Variants in BLTP3B observed in about 807,000 individuals in gnomAD.
BLTP3B encodes the protein UHRF1 (ICBP90) binding protein 1-like.
At chr12:100,131,468 G>GTATT in the BLTP3B span, among the ~76,000 whole-genome samples, 1 of 151,952 alleles carries the variant, frequency 6.6e-6, no homozygotes, top group Non-Finnish European at 1.5e-5. Flanking sequence ...TTTCTTAGTA[G>GTATT]TATTTTTGGG....
the BLTP3B span, chr12:100,057,564 A>C: frequency 6.2e-7 from 1 of 1,602,464 alleles, no homozygotes; most frequent in East Asian, 2.2e-5. Context: ...CCGTATCATA[A>C]CTTTACCTTT....
chr12:100,072,881 C>G, the BLTP3B span: 1 of 1,486,088 alleles, frequency 6.7e-7, no homozygotes, highest in Non-Finnish European at 8.9e-7. Context: ...TTATGCAACC[C>G]AGACAGTACT....
the BLTP3B span, chr12:100,047,414 C>T: frequency 2.9e-6 from 2 of 690,828 alleles, no homozygotes; most frequent in Middle Eastern, 2.8e-4. Flanking sequence ...AGGAGAATCA[C>T]TCGAACCAGG....
the BLTP3B span, among the ~76,000 whole-genome samples, chr12:100,109,332 C>G: frequency 6.6e-6 from 1 of 152,064 alleles, no homozygotes. Context: ...TCTTCAGTCT[C>G]AGGTATGTCT....
At chr12:100,130,982 G>GGAGAGAGAGA in the BLTP3B span, among the ~76,000 whole-genome samples, 490 of 62,030 alleles carry the variant, frequency 7.9e-3, 37 homozygotes, top group East Asian at 0.015. Flanking sequence ...AGAGAGGGAG[G>GGAGAGAGAGA]GAGAGAGAGA....
the BLTP3B span, chr12:100,037,267 G>T: frequency 1.0e-6 from 1 of 987,864 alleles, no homozygotes; most frequent in Non-Finnish European, 1.2e-6. Context: ...AATCAATTCA[G>T]CAATCTGTGT....
chr12:100,113,451 A>C, the BLTP3B span, among the ~76,000 whole-genome samples: 6,354 of 152,204 alleles, frequency 0.042, 282 homozygotes, highest in African/African-American at 0.11. Flanking sequence ...AGACAGAGTA[A>C]GACTCTGTGT....
the BLTP3B span, among the ~76,000 whole-genome samples, chr12:100,129,423 A>G: frequency 6.6e-6 from 1 of 152,218 alleles, no homozygotes; most frequent in East Asian, 1.9e-4. Flanking sequence ...TTCTCCAGTC[A>G]GTTAAAAATG....
the BLTP3B span, among the ~76,000 whole-genome samples, chr12:100,094,838 C>T: frequency 3.9e-5 from 6 of 152,206 alleles, no homozygotes; most frequent in East Asian, 1.2e-3. Context: ...CCAGGTTGGG[C>T]TAAAGGGAGA....
the BLTP3B span, chr12:100,097,312 A>G: frequency 6.5e-7 from 1 of 1,543,938 alleles, no homozygotes; most frequent in South Asian, 1.2e-5. Flanking sequence ...CAAATCAAAA[A>G]GTCAAATCCA....
chr12:100,043,607 T>C, the BLTP3B span, among the ~76,000 whole-genome samples: 1 of 152,356 alleles, frequency 6.6e-6, no homozygotes, highest in South Asian at 2.1e-4. Context: ...AAATGCTGTT[T>C]CTATTTGCCA....
chr12:100,138,899 C>CT, the BLTP3B span, among the ~76,000 whole-genome samples: 3 of 151,964 alleles, frequency 2.0e-5, no homozygotes, highest in African/African-American at 7.3e-5. Flanking sequence ...ATGTCTTGAG[C>CT]TGAAAGGTAG....
the BLTP3B span, among the ~76,000 whole-genome samples, chr12:100,081,740 C>T: frequency 2.0e-5 from 3 of 152,180 alleles, no homozygotes; most frequent in East Asian, 5.8e-4. Context: ...CTACAAAGAA[C>T]ATGACTGCAT....
At chr12:100,101,410 T>C in the BLTP3B span, among the ~76,000 whole-genome samples, 1,545 of 152,306 alleles carry the variant, frequency 0.01, 25 homozygotes, top group African/African-American at 0.035. Flanking sequence ...AATGCATTCA[T>C]CCTCAAGAAA....
At chr12:100,073,124 A>G in the BLTP3B span, among the ~76,000 whole-genome samples, 24 of 152,284 alleles carry the variant, frequency 1.6e-4, no homozygotes, top group African/African-American at 4.1e-4. Context: ...ATCAGATAAT[A>G]TAGATAAGTA....
the BLTP3B span, among the ~76,000 whole-genome samples, chr12:100,090,757 T>C: frequency 6.6e-6 from 1 of 152,164 alleles, no homozygotes; most frequent in African/African-American, 2.4e-5. Context: ...ATTGTTAAAC[T>C]GATATCAAAC....
At chr12:100,039,321 AGTAT>A in the BLTP3B span, among the ~76,000 whole-genome samples, 1 of 152,194 alleles carries the variant, frequency 6.6e-6, no homozygotes, top group African/African-American at 2.4e-5. Flanking sequence ...AAAATTATAT[AGTAT>A]GTACACTTGA....
At chr12:100,141,544 G>T in the BLTP3B span, among the ~76,000 whole-genome samples, 25 of 151,700 alleles carry the variant, frequency 1.6e-4, no homozygotes, top group Non-Finnish European at 2.8e-4. Flanking sequence ...CTGAATCACA[G>T]AAGTAGAATT....
chr12:100,039,162 C>CA, the BLTP3B span, among the ~76,000 whole-genome samples: 16,689 of 133,448 alleles, frequency 0.13, 1,286 homozygotes, highest in African/African-American at 0.24. Context: ...TTTATAATGG[C>CA]AAAAAAAAAA....
Sources: gnomAD v4.1 joint callset for allele counts (sites outside exome capture counted in the v4.1 genomes callset) on GRCh38, gnomAD v4.1.1 for gene constraint, MANE v1.5 for transcripts, NCBI Gene and HGNC (gene_info 2026-07-23, HGNC 2026-07-21) for gene names.